NKAIN2: variants seen among roughly 807,000 people sequenced by gnomAD.
NKAIN2 encodes sodium/potassium-transporting ATPase subunit beta-1-interacting protein 2.
Under a neutral mutation model 32.6 loss-of-function variants are expected in NKAIN2, and 14 were observed. The observed-to-expected ratio is 0.43, with a 90% CI of 0.28 to 0.67. The LOEUF is 0.67. NKAIN2 is among the 30% of genes least tolerant of loss of function. The pLI is 0.17. For synonymous variants in NKAIN2, 80 were observed against 87.2 expected (o/e 0.92, Z 0.46); for missense variants, 198 against 258.3 (o/e 0.77, Z 1.60).
intron 1 of NKAIN2, among the ~76,000 whole-genome samples, chr6:123,918,423 A>G (rs1277677824): frequency 6.6e-6 from 1 of 152,220 alleles, no homozygotes; most frequent in African/African-American, 2.4e-5. Flanking sequence ...ATTCTGACAC[A>G]TATTTCCTTC....
Position 123,972,275 on chromosome 6 carries a change from G to T in NKAIN2, c.54+168021G>T, listed in dbSNP as rs536725497. On this transcript the variant is annotated intron_variant, in intron 1 of 6. Coordinates refer to ENST00000368417, the MANE Select transcript of NKAIN2 (RefSeq NM_001040214.3). ...GGAAAGCCAAAAGTTACTGTGTGAG[G>T]GGTTGGCACCCATAACCTCCATATT... Among the ~76,000 whole-genome samples the T allele has an allele frequency of 1.6e-4, 25 of 152,222 alleles. No homozygotes were observed. In the South Asian group the frequency reaches 5.0e-3, roughly 30 times the overall value.
Position 124,677,559 on chromosome 6 carries a change from A to G in NKAIN2, c.474+19173A>G, listed in dbSNP as rs191753947. ...TTTAAAACATCATATAGGTAAAACA[A>G]TCTATTATAAACTAATCACAACTTC... On this transcript the variant is annotated intron_variant, in intron 4 of 6. Transcript: ENST00000368417. Among the ~76,000 whole-genome samples, 22 of 152,330 alleles carry G rather than the reference A, an allele frequency of 1.4e-4. No homozygotes were observed. The East Asian group carries it at 4.1e-3, about 28-fold the overall frequency.
At chr6:124,243,189 A>G (rs1358668213) in intron 1 of NKAIN2, among the ~76,000 whole-genome samples, 1 of 151,964 alleles carries the variant, frequency 6.6e-6, no homozygotes, top group Non-Finnish European at 1.5e-5. Context: ...TAAAGAGGGG[A>G]AGATGAAGAG....
At chr6:124,675,338 T>C (rs773586340) in intron 4 of NKAIN2, among the ~76,000 whole-genome samples, 1 of 152,110 alleles carries the variant, frequency 6.6e-6, no homozygotes, top group Non-Finnish European at 1.5e-5. Flanking sequence ...ATCAGGTATA[T>C]TGACCTATAG....
At chr6:124,419,724 C>T (rs1199165928) in intron 3 of NKAIN2, among the ~76,000 whole-genome samples, 1 of 152,034 alleles carries the variant, frequency 6.6e-6, no homozygotes, top group Non-Finnish European at 1.5e-5. Context: ...CTCTTTGTTC[C>T]TTTCTGAATT....
At chr6:124,050,639 C>T (rs948498127) in intron 1 of NKAIN2, among the ~76,000 whole-genome samples, 7 of 152,058 alleles carry the variant, frequency 4.6e-5, no homozygotes, top group East Asian at 1.9e-4. Flanking sequence ...AGCTACAGTA[C>T]GGTCAGTTTG....
At chr6:124,235,095 C>T (rs1225478268) in intron 1 of NKAIN2, among the ~76,000 whole-genome samples, 1 of 152,026 alleles carries the variant, frequency 6.6e-6, no homozygotes, top group African/African-American at 2.4e-5. Flanking sequence ...CTATAATCTT[C>T]ACTTACTTCT....
intron 3 of NKAIN2, among the ~76,000 whole-genome samples, chr6:124,541,549 G>T (rs565019555): frequency 6.6e-6 from 1 of 152,264 alleles, no homozygotes; most frequent in African/African-American, 2.4e-5. Flanking sequence ...GGAAAAGTAT[G>T]TGCTTTCCTT....
chr6:124,100,398 A>G (rs1226549066), intron 1 of NKAIN2, among the ~76,000 whole-genome samples: 1 of 151,962 alleles, frequency 6.6e-6, no homozygotes, highest in Non-Finnish European at 1.5e-5. Flanking sequence ...TTTCAGACAC[A>G]TGTGTAATTC....
chr6:124,703,368 C>T (rs1774896499), intron 4 of NKAIN2, among the ~76,000 whole-genome samples: 1 of 152,038 alleles, frequency 6.6e-6, no homozygotes, highest in African/African-American at 2.4e-5. Flanking sequence ...GTACTGATTA[C>T]CGCTTAGCAT....
chr6:124,655,351 T>C (rs1370953776), intron 3 of NKAIN2, among the ~76,000 whole-genome samples: 1 of 152,128 alleles, frequency 6.6e-6, no homozygotes, highest in Admixed American at 6.6e-5. Context: ...TTTTTTTGGT[T>C]CTTATTTTTT....
intron 2 of NKAIN2, among the ~76,000 whole-genome samples, chr6:124,318,409 G>C (rs1202067993): frequency 6.6e-6 from 1 of 151,668 alleles, no homozygotes; most frequent in Non-Finnish European, 1.5e-5. Flanking sequence ...ACAAATGGTG[G>C]ATTTTCATTT....
intron 1 of NKAIN2, among the ~76,000 whole-genome samples, chr6:124,097,102 T>A (rs1784677420): frequency 6.6e-6 from 1 of 152,100 alleles, no homozygotes; most frequent in Non-Finnish European, 1.5e-5. Context: ...ACAGGAATTT[T>A]CAGTAGAATT....
intron 1 of NKAIN2, among the ~76,000 whole-genome samples, chr6:124,062,322 T>C (rs1782951546): frequency 6.6e-6 from 1 of 152,216 alleles, no homozygotes; most frequent in African/African-American, 2.4e-5. Flanking sequence ...ATAAATATTG[T>C]GACAATGAGT....
At chr6:124,304,475 A>G (rs1292619157) in intron 2 of NKAIN2, among the ~76,000 whole-genome samples, 4 of 152,218 alleles carry the variant, frequency 2.6e-5, no homozygotes, top group African/African-American at 9.6e-5. Context: ...GCAGAAAAAA[A>G]CACAAAGGAG....
intron 1 of NKAIN2, among the ~76,000 whole-genome samples, chr6:124,085,789 T>C (rs902538030): frequency 3.3e-5 from 5 of 151,894 alleles, no homozygotes; most frequent in Admixed American, 6.6e-5. Context: ...GGGTAATAAA[T>C]TGTAGTTGTG....
At chr6:124,410,860 A>G (rs150270783) in intron 3 of NKAIN2, among the ~76,000 whole-genome samples, 147 of 151,388 alleles carry the variant, frequency 9.7e-4, no homozygotes, top group African/African-American at 3.5e-3. Context: ...GGCTTGCTTT[A>G]TGTGCTCCTG....
intron 1 of NKAIN2, among the ~76,000 whole-genome samples, chr6:124,105,466 T>C (rs2114958358): frequency 6.6e-6 from 1 of 152,210 alleles, no homozygotes; most frequent in East Asian, 1.9e-4. Flanking sequence ...TCTCTGGCAT[T>C]GTGTCTGGGA....
At chr6:123,865,448 T>C (rs1775944802) in intron 1 of NKAIN2, among the ~76,000 whole-genome samples, 1 of 152,154 alleles carries the variant, frequency 6.6e-6, no homozygotes, top group Non-Finnish European at 1.5e-5. Flanking sequence ...TATTGAACTA[T>C]ATGGAAATCT....
Sources: allele counts gnomAD v4.1 joint callset (sites outside exome capture counted in the v4.1 genomes callset), GRCh38; gene constraint gnomAD v4.1.1; transcripts MANE v1.5; gene names NCBI Gene and HGNC (gene_info 2026-07-23, HGNC 2026-07-21).